PRKCH: variants seen among roughly 807,000 people sequenced by gnomAD.
The protein encoded by PRKCH is protein kinase C eta.
Under a neutral mutation model 82.5 loss-of-function variants are expected in PRKCH, and 28 were observed. The ratio of observed to expected loss-of-function variants is 0.34; its 90% CI spans 0.25 to 0.47. PRKCH has a LOEUF of 0.47. Among genes scored for constraint, PRKCH ranks in the 20% least tolerant of loss-of-function variants. The pLI is 1.00. For synonymous variants in PRKCH, 322 were observed against 327.4 expected (o/e 0.98, Z 0.18); for missense variants, 705 against 881.8 (o/e 0.80, Z 2.54).
chr14:61,439,056 CAG>C (rs1642765101), intron 2 of PRKCH, among the ~76,000 whole-genome samples: 1 of 152,152 alleles, frequency 6.6e-6, no homozygotes, highest in Non-Finnish European at 1.5e-5. Flanking sequence ...AGGAGCCAAA[CAG>C]AAGTTGTGAT....
chr14:61,270,765 G>A (rs2045144490), intron 1 of PRKCH, among the ~76,000 whole-genome samples: 1 of 152,174 alleles, frequency 6.6e-6, no homozygotes, highest in Admixed American at 6.5e-5. Context: ...ATAAACCCAG[G>A]AGTTGGAGGC....
At chr14:61,347,699 T>C (rs973826659) in intron 1 of PRKCH, among the ~76,000 whole-genome samples, 1 of 152,206 alleles carries the variant, frequency 6.6e-6, no homozygotes, top group African/African-American at 2.4e-5. Context: ...CTCTCTCTTT[T>C]TTACACACTA....
At chr14:61,188,446 C>T (rs1225409710) in intron 1 of PRKCH, among the ~76,000 whole-genome samples, 1 of 151,214 alleles carries the variant, frequency 6.6e-6, no homozygotes, top group Non-Finnish European at 1.5e-5. Context: ...GGCTCCGGGT[C>T]GGGCTCCCAG....
intron 10 of PRKCH, among the ~76,000 whole-genome samples, chr14:61,497,109 A>C (rs1031808114): frequency 2.0e-5 from 3 of 152,216 alleles, no homozygotes; most frequent in Non-Finnish European, 4.4e-5. Context: ...TCTGACTTCG[A>C]TTCTTTCCTT....
intron 10 of PRKCH, among the ~76,000 whole-genome samples, chr14:61,528,458 T>C (rs958622278): frequency 5.3e-5 from 8 of 152,030 alleles, no homozygotes; most frequent in African/African-American, 1.4e-4. Flanking sequence ...CCTCCCAAAG[T>C]GTTGGGATTA....
chr14:61,247,841 C>T (rs375601464), intron 1 of PRKCH, among the ~76,000 whole-genome samples: 265 of 151,354 alleles, frequency 1.8e-3, no homozygotes, highest in African/African-American at 5.7e-3. Context: ...CTGCAGTAGA[C>T]GAGGTAAAGT....
At chr14:61,231,578 T>C (rs1334290326) in intron 1 of PRKCH, among the ~76,000 whole-genome samples, 4 of 152,118 alleles carry the variant, frequency 2.6e-5, no homozygotes, top group Non-Finnish European at 4.4e-5. Context: ...TTCACCGTGT[T>C]AGCCAGGATG....
chr14:61,343,108 A>AT (rs745607179), intron 1 of PRKCH, among the ~76,000 whole-genome samples: 15 of 152,198 alleles, frequency 9.9e-5, no homozygotes, highest in Non-Finnish European at 2.1e-4. Context: ...GGGCTGGAAT[A>AT]TAATCGCTAC....
intron 1 of PRKCH, among the ~76,000 whole-genome samples, chr14:61,386,854 T>A (rs2046595527): frequency 6.6e-6 from 1 of 152,208 alleles, no homozygotes; most frequent in Non-Finnish European, 1.5e-5. Context: ...GGCTGACAAT[T>A]TGAATATGTT....
chr14:61,245,912 G>A lies in PRKCH; in HGVS notation c.-19+58244G>A, dbSNP rs57059718. On this transcript the variant is annotated intron_variant, in intron 1 of 3. Coordinates refer to the PRKCH transcript ENST00000555185. Reference sequence around the variant, plus strand: ...GCAGATCTGGGAGGATGGAAAGAACGACCTATTTCTGTTTCTCAGTCATAC... The same window carrying A: ...GCAGATCTGGGAGGATGGAAAGAACAACCTATTTCTGTTTCTCAGTCATAC... Among the ~76,000 whole-genome samples, 105 of 152,252 alleles carry A rather than the reference G, an allele frequency of 6.9e-4. 1 individual carries two copies. The East Asian group carries it at 0.019, about 28-fold the overall frequency.
chr14:61,390,112 G>C (rs925854954), intron 1 of PRKCH, among the ~76,000 whole-genome samples: 6 of 152,272 alleles, frequency 3.9e-5, no homozygotes, highest in African/African-American at 1.2e-4. Flanking sequence ...GCCTCACAAT[G>C]CAAGGCTTAG....
chr14:61,465,785 T>C (rs1174947295), intron 9 of PRKCH, among the ~76,000 whole-genome samples: 4 of 152,224 alleles, frequency 2.6e-5, no homozygotes, highest in Non-Finnish European at 4.4e-5. Flanking sequence ...TACTATTTGA[T>C]GAGAATTTTC....
intron 10 of PRKCH, among the ~76,000 whole-genome samples, chr14:61,488,334 A>G (rs1886319356): frequency 6.6e-6 from 1 of 152,158 alleles, no homozygotes; most frequent in Non-Finnish European, 1.5e-5. Context: ...CAATCAATCA[A>G]TAAATCAATA....
rs2140092759 is a variant in PRKCH at position 61,280,881 on chromosome 14, C to A, written c.-19+93213C>A. On this transcript the variant is annotated intron_variant, in intron 1 of 3. Transcript: ENST00000555185. The surrounding 1 kb of genome is among the most constrained non-coding windows in gnomAD (Gnocchi z 5.0). The stretch of plus-strand genomic sequence containing the variant: ...AGTACCAGGCGCACGAGCAGGGGGG[C>A]GGCAGCGCCCGGCCCTGGCCAGCCG... 3 of 1,553,642 alleles carry A rather than the reference C, an allele frequency of 1.9e-6. No individual in the cohort carries two copies. The highest frequency in any genetic ancestry group is 3.4e-4 in the Middle Eastern group (2 of 5,884).
chr14:61,202,168 T>C (rs1275858860), intron 1 of PRKCH, among the ~76,000 whole-genome samples: 1 of 152,208 alleles, frequency 6.6e-6, no homozygotes, highest in East Asian at 1.9e-4. Context: ...TAAACATTCC[T>C]AGCCCCAGTG....
chr14:61,439,464 G>T (rs915826523), intron 2 of PRKCH, among the ~76,000 whole-genome samples: 6 of 152,180 alleles, frequency 3.9e-5, no homozygotes, highest in African/African-American at 1.4e-4. Context: ...TTTTCTAAAC[G>T]AAGCACACGT....
At chr14:61,468,628 G>A (rs189701869) in intron 9 of PRKCH, among the ~76,000 whole-genome samples, 15 of 152,268 alleles carry the variant, frequency 9.9e-5, no homozygotes, top group African/African-American at 3.4e-4. Context: ...CTCTTTGGAC[G>A]CGACTGCCAA....
intron 1 of PRKCH, among the ~76,000 whole-genome samples, chr14:61,213,188 T>TGC (rs2044594863): frequency 6.6e-6 from 1 of 152,186 alleles, no homozygotes; most frequent in Admixed American, 6.5e-5. Flanking sequence ...TGTGCGTGTT[T>TGC]GTCTGCCCTT....
chr14:61,416,053 CTTTTT>C (rs71117815), intron 2 of PRKCH, among the ~76,000 whole-genome samples: 426 of 94,136 alleles, frequency 4.5e-3, no homozygotes, highest in African/African-American at 0.015. Context: ...CTTTTCTTTT[CTTTTT>C]TTTTTTTTTT....
Sources: gnomAD v4.1 joint callset for allele counts (sites outside exome capture counted in the v4.1 genomes callset) on GRCh38, gnomAD v4.1.1 for gene constraint, Gnocchi (gnomAD v3.1) non-coding constraint, MANE v1.5 for transcripts, NCBI Gene and HGNC (gene_info 2026-07-23, HGNC 2026-07-21) for gene names.